MET: variants seen among roughly 807,000 people sequenced by gnomAD.
The protein encoded by MET is hepatocyte growth factor receptor.
MET carries 48 observed loss-of-function variants against 133.1 expected under a neutral mutation model. That is an observed-to-expected ratio of 0.36 (90% CI 0.29 to 0.46). The LOEUF is 0.46. MET is among the 20% of genes least tolerant of loss of function. The pLI, the probability that MET is intolerant of heterozygous loss-of-function variation, is 1.00. For missense variants in MET, 1,442 were observed against 1,695.9 expected (o/e 0.85, Z 2.63); for synonymous variants, 628 against 616.5 (o/e 1.02, Z -0.28).
At chr7:116,789,081 A>G (rs1562938530) in intron 19 of MET, among the ~76,000 whole-genome samples, 1 of 152,090 alleles carries the variant, frequency 6.6e-6, no homozygotes, top group Non-Finnish European at 1.5e-5. Flanking sequence ...CATTATTGTA[A>G]CCCTCATTTT....
intron 3 of MET, among the ~76,000 whole-genome samples, chr7:116,734,406 A>G (rs1158877865): frequency 2.0e-5 from 3 of 152,242 alleles, no homozygotes; most frequent in Non-Finnish European, 4.4e-5. Flanking sequence ...AACACAAGCT[A>G]CAGCCCCAGC....
chr7:116,783,643 A>T (rs935745156), intron 19 of MET, among the ~76,000 whole-genome samples, 174 bp downstream of exon 19: 5 of 152,174 alleles, frequency 3.3e-5, no homozygotes, highest in African/African-American at 1.2e-4. Context: ...TCATAAATTC[A>T]CTCATTTGTT....
At chr7:116,772,236 A>C (rs542133506) in intron 14 of MET, among the ~76,000 whole-genome samples, 1 of 152,324 alleles carries the variant, frequency 6.6e-6, no homozygotes, top group African/African-American at 2.4e-5. Context: ...TTTGAGCAAA[A>C]GTAATTTGTT....
chr7:116,680,653 G>C (rs1225539426), intron 1 of MET, among the ~76,000 whole-genome samples: 1 of 152,068 alleles, frequency 6.6e-6, no homozygotes, highest in Admixed American at 6.5e-5. Context: ...GGTCAAAATG[G>C]TGTATAGGCC....
chr7:116,718,354 C>T (rs992318885), intron 2 of MET, among the ~76,000 whole-genome samples: 2 of 152,070 alleles, frequency 1.3e-5, no homozygotes, highest in Non-Finnish European at 1.5e-5. Flanking sequence ...CGCCACTGCA[C>T]TCCAGCCTCG....
chr7:116,766,084 C>G (rs1323939997), intron 11 of MET, among the ~76,000 whole-genome samples: 2 of 152,130 alleles, frequency 1.3e-5, no homozygotes, highest in African/African-American at 4.8e-5. Flanking sequence ...TAGCTCTTAA[C>G]TTTTTATAAA....
At chr7:116,752,866 G>A (rs1793982823) in intron 5 of MET, among the ~76,000 whole-genome samples, 1 of 152,214 alleles carries the variant, frequency 6.6e-6, no homozygotes. Context: ...AGCGTTTTCA[G>A]TGGGGAAGCC....
At chr7:116,761,454 A>T (rs1408828933) in intron 10 of MET, among the ~76,000 whole-genome samples, 1 of 152,180 alleles carries the variant, frequency 6.6e-6, no homozygotes, top group Non-Finnish European at 1.5e-5. Flanking sequence ...GCTGACCATG[A>T]TGAATTGAAC....
chr7:116,743,461 A>C (rs905167763), intron 5 of MET, among the ~76,000 whole-genome samples: 19 of 152,274 alleles, frequency 1.2e-4, no homozygotes, highest in Middle Eastern at 3.4e-3. Flanking sequence ...AGAACCCAGC[A>C]AGCTAAGATG....
intron 5 of MET, among the ~76,000 whole-genome samples, chr7:116,750,502 C>G (rs1216984631): frequency 6.6e-6 from 1 of 152,188 alleles, no homozygotes; most frequent in East Asian, 1.9e-4. Flanking sequence ...CTAGGCAATA[C>G]CATTCAGGAC....
At position 116,672,509 on chromosome 7, in the gene MET, G is replaced by T. The variant is rs1796010665; in HGVS notation, c.-83G>T. The T allele has an allele frequency of 5.0e-6, 2 of 397,812 alleles. No homozygotes were observed. Among genetic ancestry groups the T allele is most frequent in the African/African-American group, 2.1e-5 (1 of 48,572 alleles). 24.6% of individuals were successfully genotyped at this position (397,812 alleles called of 1,614,324 possible). A position where few individuals can be genotyped will look rare whatever the true frequency, so the allele number is the denominator to read the frequency against. On this transcript the variant is annotated 5_prime_UTR_variant, in exon 1 of 21. Coordinates refer to ENST00000397752, the MANE Select transcript of MET (RefSeq NM_000245.4). Reference sequence around the variant, plus strand: ...GACAGCTGACTTGCTGAGAGGAGGCGGGGAGGCGCGGAGCGCGCGTGTGGT... The same window carrying T: ...GACAGCTGACTTGCTGAGAGGAGGCTGGGAGGCGCGGAGCGCGCGTGTGGT...
intron 1 of MET, among the ~76,000 whole-genome samples, chr7:116,693,309 G>T (rs1418863217): frequency 2.0e-5 from 3 of 152,152 alleles, no homozygotes; most frequent in African/African-American, 7.2e-5. Flanking sequence ...GCCCTGATTT[G>T]TAGTGTTTGC....
rs2116991569 is a variant in MET, at chr7:116,771,520, C to G, written c.2753C>G (p.Thr918Ser). 6.2e-7 allele frequency: 1 copy of G among 1,613,796 alleles called. No individual in the cohort carries two copies. Among genetic ancestry groups the G allele is most frequent in the Non-Finnish European group, 8.5e-7 (1 of 1,179,728 alleles). ...NIEWKQAISSTVLGKVIVQPD... is the reference protein window; with the variant it reads ...NIEWKQAISSSVLGKVIVQPD... The stretch of plus-strand genomic sequence containing the variant: ...TAGTGGAAGCAAGCAATTTCTTCAA[C>G]CGTCCTTGGAAAAGTAATAGTTCAA... The change falls in exon 13 of 21, where the codon ACC becomes AGC. Residue 918 changes from threonine to serine, a missense_variant. Coordinates refer to ENST00000397752, the MANE Select transcript of MET (RefSeq NM_000245.4).
intron 19 of MET, among the ~76,000 whole-genome samples, chr7:116,794,319 A>G (rs918588728): frequency 1.3e-5 from 2 of 152,164 alleles, no homozygotes; most frequent in Non-Finnish European, 2.9e-5. Flanking sequence ...AGTTAACACG[A>G]TGATGTTGTC....
intron 19 of MET, among the ~76,000 whole-genome samples, chr7:116,786,516 G>C (rs1478413316): frequency 5.3e-5 from 8 of 152,202 alleles, no homozygotes; most frequent in Non-Finnish European, 1.0e-4. Flanking sequence ...CAGAGTAAGA[G>C]AAAGTTTCAA....
chr7:116,755,628 C>G (rs999016283), intron 6 of MET, 113 bp downstream of exon 6: 18 of 1,326,274 alleles, frequency 1.4e-5, no homozygotes, highest in Non-Finnish European at 1.7e-5. Context: ...TAAAAAGGGT[C>G]TTGGCCTGTC....
At chr7:116,733,655 A>T (rs1305397162) in intron 3 of MET, among the ~76,000 whole-genome samples, 1 of 152,156 alleles carries the variant, frequency 6.6e-6, no homozygotes, top group African/African-American at 2.4e-5. Context: ...TTTGCCTATT[A>T]ACTATGCATC....
At chr7:116,711,702 C>G (rs1033274278) in intron 2 of MET, among the ~76,000 whole-genome samples, 1 of 151,918 alleles carries the variant, frequency 6.6e-6, no homozygotes, top group Non-Finnish European at 1.5e-5. Context: ...CTCCTCAACT[C>G]CACCCAATCT....
intron 19 of MET, among the ~76,000 whole-genome samples, chr7:116,788,777 A>C (rs934490293): frequency 1.3e-5 from 2 of 152,204 alleles, no homozygotes; most frequent in Non-Finnish European, 2.9e-5. Flanking sequence ...GCAATGAGCT[A>C]TGTGTATGTT....
Sources: allele counts gnomAD v4.1 joint callset (sites outside exome capture counted in the v4.1 genomes callset), GRCh38; gene constraint gnomAD v4.1.1; transcripts MANE v1.5; gene names NCBI Gene and HGNC (gene_info 2026-07-23, HGNC 2026-07-21).